Variants in DOCK9 observed in about 807,000 individuals in gnomAD.
DOCK9 encodes the protein dedicator of cytokinesis 9, also known as dedicator of cytokinesis protein 9.
In DOCK9, 89 loss-of-function variants were observed where a neutral mutation model predicts 263.3. The observed-to-expected ratio is 0.34, with a 90% confidence interval of 0.28 to 0.40. The LOEUF is 0.40. DOCK9 is among the 10% of genes least tolerant of loss of function. The pLI is 1.00. For synonymous variants in DOCK9, 976 were observed against 973.1 expected (o/e 1.00, Z -0.06); for missense variants, 2,140 against 2,603.4 (o/e 0.82, Z 3.87).
intron 49 of DOCK9, 40 bp from the exon 50 acceptor site, chr13:98,800,518 C>G: frequency 6.3e-7 from 1 of 1,597,454 alleles, no homozygotes; most frequent in Non-Finnish European, 8.6e-7. Context: ...ATGGCTTGCA[C>G]GAGCTTTAGT....
intron 2 of DOCK9, among the ~76,000 whole-genome samples, chr13:98,946,410 C>T (rs949552137): frequency 6.6e-6 from 1 of 152,108 alleles, no homozygotes; most frequent in Non-Finnish European, 1.5e-5. Context: ...GCCTGCTTTC[C>T]AAACCCTTAC....
chr13:98,849,923 G>A (rs2093512893), intron 36 of DOCK9, 124 bp downstream of exon 36: 2 of 694,012 alleles, frequency 2.9e-6, no homozygotes, highest in African/African-American at 1.8e-5. Context: ...ATGAGAAAGG[G>A]CTTAAGGAGT....
At chr13:98,913,744 A>G (rs2050432547) in intron 9 of DOCK9, among the ~76,000 whole-genome samples, 1 of 152,228 alleles carries the variant, frequency 6.6e-6, no homozygotes, top group Non-Finnish European at 1.5e-5. Flanking sequence ...TATGGAAGCT[A>G]AAAAGGCAAC....
chr13:99,039,647 T>A (rs1888266085), intron 1 of DOCK9, among the ~76,000 whole-genome samples: 1 of 152,192 alleles, frequency 6.6e-6, no homozygotes, highest in Non-Finnish European at 1.5e-5. Context: ...CCCATAAGGA[T>A]CTCTGTCTAG....
intron 27 of DOCK9, among the ~76,000 whole-genome samples, chr13:98,868,581 T>G (rs1252822466): frequency 2.0e-5 from 3 of 152,106 alleles, no homozygotes; most frequent in Admixed American, 1.3e-4. Flanking sequence ...CCAGGCAACA[T>G]AGCAAGATTC....
intron 1 of DOCK9, among the ~76,000 whole-genome samples, chr13:99,078,611 T>G (rs1222094199): frequency 6.6e-6 from 1 of 152,122 alleles, no homozygotes; most frequent in Non-Finnish European, 1.5e-5. Flanking sequence ...GGCCAGGGAA[T>G]AGCCAAGGGC....
At chr13:98,810,018 G>T (rs972510499) in intron 46 of DOCK9, 151 bp downstream of exon 46, 1 of 1,112,660 alleles carries the variant, frequency 9.0e-7, no homozygotes, top group Non-Finnish European at 1.3e-6. Flanking sequence ...GATGATGACT[G>T]GCCACCACCT....
Position 98,898,507 on chromosome 13 carries a change from C to T in DOCK9, c.1504-246G>A, listed in dbSNP as rs187796745. Among the ~76,000 whole-genome samples, 32 of 152,304 alleles carry T rather than the reference C, an allele frequency of 2.1e-4. No homozygotes were observed. The East Asian group carries it at 6.0e-3, about 28-fold the overall frequency. ...AGACTTTCCAAAATCCATGTCTCTT[C>T]TTTGGTCTTTACGGGCAACAAACAT... On this transcript the variant is annotated intron_variant, in intron 13 of 52. Coordinates refer to ENST00000682017, the MANE Select transcript of DOCK9 (RefSeq NM_001366683.2).
At chr13:98,997,914 C>G (rs192634626) in intron 1 of DOCK9, among the ~76,000 whole-genome samples, 1 of 152,240 alleles carries the variant, frequency 6.6e-6, no homozygotes, top group Non-Finnish European at 1.5e-5. Context: ...CCTTGACCAA[C>G]ACAGCAGATT....
chr13:98,933,224 C>T (rs1471532166), intron 2 of DOCK9, among the ~76,000 whole-genome samples: 1 of 152,102 alleles, frequency 6.6e-6, no homozygotes, highest in Non-Finnish European at 1.5e-5. Context: ...AGAAGAAAAA[C>T]TTTATGACAA....
At position 98,925,893 on chromosome 13, in the gene DOCK9, C is replaced by A. The variant is rs1447963441; in HGVS notation, c.360G>T (p.Trp120Cys). The A allele has an allele frequency of 6.9e-6, 11 of 1,586,914 alleles. No individual in the cohort carries two copies. Among genetic ancestry groups the A allele is most frequent in the African/African-American group, 1.3e-5 (1 of 74,576 alleles). The change falls in exon 4 of 53, where the codon TGG (tryptophan) becomes TGT (cysteine). Residue 120 changes from tryptophan (W) to cysteine (C), a missense_variant. This residue lies in a region of DOCK9 where 1,521 missense variants were observed against 1,741.7 expected (regional missense o/e 0.87). Coordinates refer to ENST00000682017, the MANE Select transcript of DOCK9 (RefSeq NM_001366683.2). ...CTTCATATTTATAGTTCACAAGATGCCAGTCAGAGTTATAGGTTTTGATGC... is the reference window on the plus strand; with the variant it reads ...CTTCATATTTATAGTTCACAAGATGACAGTCAGAGTTATAGGTTTTGATGC... ...TECIKTYNSDWHLVNYKYEDY... is the reference protein window; with the variant it reads ...TECIKTYNSDCHLVNYKYEDY...
chr13:98,907,146 G>C (rs2049235932), intron 9 of DOCK9, among the ~76,000 whole-genome samples: 2 of 152,146 alleles, frequency 1.3e-5, no homozygotes, highest in Non-Finnish European at 2.9e-5. Flanking sequence ...CGTGCAAGTG[G>C]AATCTATTTA....
chr13:98,857,170 A>T (rs1477068677), intron 33 of DOCK9: 3 of 152,216 alleles, frequency 2.0e-5, no homozygotes, highest in Middle Eastern at 3.2e-3. Flanking sequence ...GGCAGATGGC[A>T]TCAGGAGATT....
intron 4 of DOCK9, among the ~76,000 whole-genome samples, chr13:98,925,631 C>A (rs748561416): frequency 1.3e-5 from 2 of 152,218 alleles, no homozygotes; most frequent in Non-Finnish European, 2.9e-5. Flanking sequence ...AAACCATCCA[C>A]ATGTTTATTA....
chr13:98,881,943 A>G lies in DOCK9; in HGVS notation c.2624T>C (p.Phe875Ser), dbSNP rs2044840301. 6.2e-7 allele frequency: 1 copy of G among 1,600,036 alleles called. No individual in the cohort carries two copies. Among genetic ancestry groups the G allele is most frequent in the African/African-American group, 1.3e-5 (1 of 74,750 alleles). Reference sequence around the variant, plus strand: ...CTGTGTGGCTCTGGTGAGGACTCGGAACAGCTGGTTTAGGATAGTGGGCAA... The same window carrying G: ...CTGTGTGGCTCTGGTGAGGACTCGGGACAGCTGGTTTAGGATAGTGGGCAA... ...AFLPTILNQLFRVLTRATQEE... is the reference protein window; with the variant it reads ...AFLPTILNQLSRVLTRATQEE... Residue 875 changes from phenylalanine to serine, a missense_variant, in exon 24 of 53, where the codon TTC (phenylalanine) becomes TCC (serine). Transcript: ENST00000682017.
At chr13:98,801,849 C>T (rs1400327711) in intron 49 of DOCK9, among the ~76,000 whole-genome samples, 1 of 152,230 alleles carries the variant, frequency 6.6e-6, no homozygotes, top group Non-Finnish European at 1.5e-5. Flanking sequence ...CACCCAACAT[C>T]TGGACAAAAG....
intron 45 of DOCK9, among the ~76,000 whole-genome samples, chr13:98,822,407 G>C (rs57704032): frequency 6.6e-6 from 1 of 152,170 alleles, no homozygotes; most frequent in African/African-American, 2.4e-5. Context: ...CTGCAGGATA[G>C]GTCACTAAAA....
chr13:99,021,781 A>G (rs1377640017), intron 1 of DOCK9, among the ~76,000 whole-genome samples: 4 of 152,120 alleles, frequency 2.6e-5, no homozygotes, highest in Admixed American at 1.3e-4. Flanking sequence ...GTTCTCATAC[A>G]TAAGTGGGAG....
chr13:98,837,206 C>T (rs902137710), intron 39 of DOCK9, among the ~76,000 whole-genome samples: 1 of 152,168 alleles, frequency 6.6e-6, no homozygotes, highest in African/African-American at 2.4e-5. Flanking sequence ...CCTATATTCA[C>T]CATCCTCAAG....
Sources: allele counts gnomAD v4.1 joint callset (sites outside exome capture counted in the v4.1 genomes callset), GRCh38; gene constraint gnomAD v4.1.1; regional missense constraint gnomAD v4.1.1; transcripts MANE v1.5; gene names NCBI Gene and HGNC (gene_info 2026-07-23, HGNC 2026-07-21).